The following TIMELESS variants were observed in gnomAD, a reference collection of about 807,000 sequenced individuals.
TIMELESS encodes the protein protein timeless homolog.
A neutral mutation model predicts 164.3 loss-of-function variants in TIMELESS; 124 were observed. The observed-to-expected ratio is 0.75, with a 90% CI of 0.65 to 0.88. TIMELESS has a LOEUF of 0.88. Ranked by LOEUF, TIMELESS falls within the 40% of genes least tolerant of loss-of-function variation. The probability of loss-of-function intolerance (pLI) is 0.00; values close to 1 mark genes in which losing one functional copy is unlikely to be tolerated. For missense variants in TIMELESS, 1,422 were observed against 1,491.4 expected (o/e 0.95, Z 0.77); for synonymous variants, 564 against 563.4 (o/e 1.00, Z -0.02).
At chr12:56,427,252 A>C (rs755752141) in intron 13 of TIMELESS, among the ~76,000 whole-genome samples, 1 of 152,052 alleles carries the variant, frequency 6.6e-6, no homozygotes, top group Non-Finnish European at 1.5e-5. Context: ...CTTCCCAAAT[A>C]GCTGGGACTA....
At chr12:56,440,133 C>CTTTTTTTT (rs33978004) in intron 1 of TIMELESS, among the ~76,000 whole-genome samples, 1 of 87,650 alleles carries the variant, frequency 1.1e-5, no homozygotes, top group Non-Finnish European at 2.2e-5. Flanking sequence ...TCAAATTAAC[C>CTTTTTTTT]TTTTTTTTTT....
chr12:56,421,193 A>C (rs1592243748), intron 23 of TIMELESS, 59 bp from the exon 24 acceptor site: 1 of 1,608,006 alleles, frequency 6.2e-7, no homozygotes, highest in Non-Finnish European at 8.5e-7. Flanking sequence ...AACTTAGTGG[A>C]GTCTCCTCGT....
At chr12:56,420,720 T>C (rs1881444162) in intron 25 of TIMELESS, 33 bp from the exon 26 acceptor site, 1 of 1,613,596 alleles carries the variant, frequency 6.2e-7, no homozygotes, top group East Asian at 2.2e-5. Context: ...ATGGTGAAGA[T>C]ATAAGGGAAG....
Position 56,433,825 on chromosome 12 carries a change from G to T in TIMELESS, c.199C>A (p.Pro67Thr). 6.2e-7 allele frequency: 1 copy of T among 1,614,168 alleles called. No individual in the cohort carries two copies. The highest frequency in any genetic ancestry group is 1.1e-5 in the South Asian group (1 of 91,080). The change falls in exon 3 of 29, where the codon CCC (proline) becomes ACC (threonine). Residue 67 changes from proline (P) to threonine (T), a missense_variant. Transcript: ENST00000553532. ...AAQILQSDLL[P>T]ILTQHHQDKP... is the part of the protein sequence containing the mutation. The stretch of plus-strand genomic sequence containing the variant: ...TCCTGGTGGTGCTGGGTGAGGATGG[G>T]CAGAAGGTCGCTCTGTAGGATCTGG...
chr12:56,421,760 G>A lies in TIMELESS; in HGVS notation c.2692C>T (p.Gln898Ter). 6.2e-7 allele frequency: 1 copy of A among 1,614,186 alleles called. No homozygotes were observed. The highest frequency in any genetic ancestry group is 1.1e-5 in the South Asian group (1 of 91,078). ...TCCCGGAATTCCTCAAAAAGCCGCTGCAGCTCCAACTCCTGATCCCCCGTC... is the reference window on the plus strand; with the variant it reads ...TCCCGGAATTCCTCAAAAAGCCGCTACAGCTCCAACTCCTGATCCCCCGTC... ...LWTGDQELEL[Q>*]RLFEEFRDSD... Residue 898 changes from glutamine to a stop codon, truncating the protein, a stop_gained, in exon 22 of 29, where the codon CAG (glutamine) becomes TAG (stop). Transcript: ENST00000553532. LOFTEE classifies it high-confidence loss of function.
chr12:56,437,875 A>G lies in TIMELESS; in HGVS notation c.-61-3644T>C, dbSNP rs902530904. 4.1e-4 allele frequency among the ~76,000 whole-genome samples: 62 copies of G among 152,202 alleles called. 2 individuals are homozygous for G. The highest frequency in any genetic ancestry group is 1.6e-4 in the Non-Finnish European group (11 of 68,044). On this transcript the variant is annotated intron_variant, in intron 1 of 28. Transcript: ENST00000553532. ...AATTATGGGATGGAGGCAGCAGGCA[A>G]GCACTAAGCAACACACCCATCAATC...
rs1167713118 is a variant in TIMELESS, at chr12:56,428,216, A to T, written c.1578+20T>A. On this transcript the variant is annotated intron_variant, in intron 13 of 28. Transcript: ENST00000553532. Reference sequence around the variant, plus strand: ...GACTCTCCCTTACAGCTCTTTCTACATTGTGGGGCTGCCCAGTACCTGCAC... The same window carrying T: ...GACTCTCCCTTACAGCTCTTTCTACTTTGTGGGGCTGCCCAGTACCTGCAC... 6.4e-7 allele frequency: 1 copy of T among 1,565,262 alleles called. No individual in the cohort carries two copies. The highest frequency in any genetic ancestry group is 1.9e-5 in the Admixed American group (1 of 52,484).
intron 25 of TIMELESS, 32 bp downstream of exon 25, chr12:56,420,781 T>C (rs761715291): frequency 6.2e-7 from 1 of 1,613,962 alleles, no homozygotes; most frequent in Non-Finnish European, 8.5e-7. Context: ...CCTCCAGGGC[T>C]CTTCTCCTAA....
At position 56,430,271 on chromosome 12, in the gene TIMELESS, T is replaced by C; in HGVS notation, c.920A>G (p.Tyr307Cys). ...FHKGLHNLRNYSSDLGKQPKK... is the reference protein window; with the variant it reads ...FHKGLHNLRNCSSDLGKQPKK... Reference sequence around the variant, plus strand: ...CGGCTGCTTTCCCAAATCTGAACTGTAGTTTCGTAGCTGGGTGTGTCGGTT... The same window carrying C: ...CGGCTGCTTTCCCAAATCTGAACTGCAGTTTCGTAGCTGGGTGTGTCGGTT... Residue 307 changes from tyrosine (Y) to cysteine (C), a missense_variant, in exon 10 of 29, where the codon TAC becomes TGC. Transcript: ENST00000553532. The C allele has an allele frequency of 1.2e-6, 2 of 1,612,908 alleles. No individual in the cohort carries two copies. Among genetic ancestry groups the C allele is most frequent in the South Asian group, 2.2e-5 (2 of 90,896 alleles).
At chr12:56,424,081 AGCT>A (rs1881595691) in intron 15 of TIMELESS, among the ~76,000 whole-genome samples, 187 bp from the exon 16 acceptor site, 1 of 152,254 alleles carries the variant, frequency 6.6e-6, no homozygotes, top group Non-Finnish European at 1.5e-5. Flanking sequence ...AATAAAAACC[AGCT>A]AAGAACAAAA....
chr12:56,436,320 G>A (rs1592254169), intron 1 of TIMELESS, among the ~76,000 whole-genome samples: 1 of 152,130 alleles, frequency 6.6e-6, no homozygotes, highest in East Asian at 1.9e-4. Flanking sequence ...TGGGTGTGGT[G>A]GTGTGTACCT....
In TIMELESS at chr12:56,418,199, C is replaced by T. The variant is rs145585280; in HGVS notation, c.3389G>A (p.Arg1130Gln). The change falls in exon 27 of 29, where the codon CGA (arginine) becomes CAA (glutamine). Residue 1130 changes from arginine to glutamine, a missense_variant. Arg to Gln is a conservative substitution (Grantham distance 43). Transcript: ENST00000553532. Reference protein sequence around the residue: ...GSDEEHCKEHRAQALRALLLA... With the variant: ...GSDEEHCKEHQAQALRALLLA... ...CAAGAGGGCCCTCAGGGCTTGTGCT[C>T]GGTGCTCTTTACAGTGCTCCTCATC... 46 of 1,614,092 alleles carry T rather than the reference C, an allele frequency of 2.8e-5. No individual in the cohort carries two copies. The Admixed American group carries it at 3.5e-4, about 12-fold the overall frequency.
intron 1 of TIMELESS, among the ~76,000 whole-genome samples, chr12:56,441,088 G>T (rs997238235): frequency 3.3e-5 from 5 of 152,098 alleles, no homozygotes; most frequent in Admixed American, 3.3e-4. Flanking sequence ...AAAGTGCTGG[G>T]ATTACGGGCA....
Position 56,433,351 on chromosome 12 carries a change from T to C in TIMELESS, c.429+30A>G, listed in dbSNP as rs1881958107. On this transcript the variant is annotated intron_variant, in intron 5 of 28. Transcript: ENST00000553532. ...GGAGAAGGTGCAAAATGCTGTCCCA[T>C]GGTATCCTGTAAGGTGAAGACTCAC... 2.5e-6 allele frequency: 4 copies of C among 1,613,172 alleles called. No homozygotes were observed. In the African/African-American group the frequency reaches 4.0e-5, roughly 16 times the overall value.
chr12:56,421,541 T>A, intron 22 of TIMELESS, 48 bp from the exon 23 acceptor site: 1 of 1,582,828 alleles, frequency 6.3e-7, no homozygotes, highest in Non-Finnish European at 8.6e-7. Context: ...GGGAAAGAGA[T>A]GAGTAAAATA....
intron 1 of TIMELESS, among the ~76,000 whole-genome samples, chr12:56,437,585 A>T (rs1256800657): frequency 6.6e-6 from 1 of 152,172 alleles, no homozygotes; most frequent in African/African-American, 2.4e-5. Context: ...AATGAGTAAG[A>T]ACATGAGAGC....
chr12:56,419,402 G>C (rs1881378445), intron 26 of TIMELESS, among the ~76,000 whole-genome samples: 1 of 151,876 alleles, frequency 6.6e-6, no homozygotes, highest in Non-Finnish European at 1.5e-5. Flanking sequence ...CTCTGACAAG[G>C]TGACAATTGA....
chr12:56,417,856 G>GT (rs772140725), intron 28 of TIMELESS, 51 bp downstream of exon 28: 1 of 1,613,466 alleles, frequency 6.2e-7, no homozygotes, highest in Non-Finnish European at 8.5e-7. Flanking sequence ...ACGTGGTAGA[G>GT]TTTGTCTTCA....
chr12:56,428,134 G>C, intron 13 of TIMELESS, 102 bp downstream of exon 13: 1 of 1,200,580 alleles, frequency 8.3e-7, no homozygotes, highest in South Asian at 1.7e-5. Context: ...TTCAGAGCAC[G>C]TTTAACAGAT....
Sources: gnomAD v4.1 joint callset for allele counts (sites outside exome capture counted in the v4.1 genomes callset) on GRCh38, gnomAD v4.1.1 for gene constraint, MANE v1.5 for transcripts, NCBI Gene and HGNC (gene_info 2026-07-23, HGNC 2026-07-21) for gene names.